Variants in TEX14 observed in about 807,000 individuals in gnomAD.
The protein encoded by TEX14 is testis expressed 14, intercellular bridge forming factor.
A neutral mutation model predicts 178.6 loss-of-function variants in TEX14; 168 were observed. The observed-to-expected ratio is 0.94, with a 90% CI of 0.83 to 1.07. The LOEUF is 1.07. Among genes scored for constraint, TEX14 ranks in the 50% least tolerant of loss-of-function variants. TEX14 has a pLI of 0.00. For synonymous variants in TEX14, 626 were observed against 634.1 expected, an observed-to-expected ratio of 0.99 and a Z score of 0.19; for missense variants, 1,730 against 1,753.6, an observed-to-expected ratio of 0.99 and a Z score of 0.24.
Position 58,622,749 on chromosome 17 carries a change from C to T in TEX14, c.417+98G>A, listed in dbSNP as rs1429214715. 12 of 1,238,740 alleles carry T rather than the reference C, an allele frequency of 9.7e-6. No individual in the cohort carries two copies. In the South Asian group the frequency reaches 1.3e-4, roughly 13 times the overall value. The allele number at this position is 1,238,740 out of a possible 1,614,324, so 76.7% of individuals were successfully genotyped here. A position where few individuals can be genotyped will look rare whatever the true frequency, so the allele number is the denominator to read the frequency against. ...CAAGCCTGAGACTCCAGTACCAATA[C>T]TAAGGCCACTGTACGCTCTGTGCTG... On this transcript the variant is annotated intron_variant, in intron 4 of 31. Transcript: ENST00000349033.
chr17:58,632,659 C>T (rs910986308), intron 2 of TEX14, among the ~76,000 whole-genome samples: 24 of 152,134 alleles, frequency 1.6e-4, no homozygotes, highest in African/African-American at 5.6e-4. Context: ...GGCCTGCAAA[C>T]GTAACCGCAC....
At chr17:58,636,697 G>A (rs907484513) in intron 2 of TEX14, among the ~76,000 whole-genome samples, 5 of 152,156 alleles carry the variant, frequency 3.3e-5, no homozygotes, top group African/African-American at 1.2e-4. Context: ...GGAGGCACCC[G>A]AGGTCAGGAG....
intron 8 of TEX14, among the ~76,000 whole-genome samples, chr17:58,614,081 A>G (rs570863484): frequency 9.2e-5 from 14 of 152,346 alleles, no homozygotes; most frequent in African/African-American, 2.9e-4. Flanking sequence ...AATGACAACA[A>G]TGACAATGTG....
intron 29 of TEX14, among the ~76,000 whole-genome samples, 167 bp downstream of exon 29, chr17:58,561,353 G>C (rs1372191964): frequency 6.6e-6 from 1 of 152,210 alleles, no homozygotes; most frequent in Non-Finnish European, 1.5e-5. Context: ...GAGTACTGTG[G>C]GTGGTCAGAG....
chr17:58,589,552 C>A (rs912498055), intron 15 of TEX14, among the ~76,000 whole-genome samples: 2 of 114,940 alleles, frequency 1.7e-5, no homozygotes, highest in African/African-American at 7.6e-5. Context: ...TGCGAGACTC[C>A]GTCTCAAAAA....
intron 1 of TEX14, among the ~76,000 whole-genome samples, chr17:58,679,375 G>A (rs912389398): frequency 4.6e-5 from 7 of 152,080 alleles, no homozygotes; most frequent in African/African-American, 1.4e-4. Context: ...CACCAACCAC[G>A]AGGGGTGTGA....
Position 58,617,549 on chromosome 17 carries a change from C to T in TEX14, c.625G>A (p.Gly209Ser), listed in dbSNP as rs376496072. Residue 209 changes from glycine to serine, a missense_variant, in exon 6 of 32, where the codon GGT becomes AGT. This residue lies in a region of TEX14 where 789 missense variants were observed against 681.2 expected (regional missense o/e 1.16). Coordinates refer to ENST00000349033, the MANE Select transcript of TEX14 (RefSeq NM_031272.5). ...VISAQNIYSF[G>S]FGKFYLTGAT... is the part of the protein sequence containing the mutation. ...TGGCAACCTCTTACCTTCCCAAAACCAAAGCTGTAGATATTTTGAGCAGAA... is the reference window on the plus strand; with the variant it reads ...TGGCAACCTCTTACCTTCCCAAAACTAAAGCTGTAGATATTTTGAGCAGAA... The T allele has an allele frequency of 1.9e-6, 3 of 1,613,298 alleles. No individual in the cohort carries two copies. The African/African-American group carries it at 4.0e-5, about 22-fold the overall frequency.
chr17:58,671,636 G>A (rs546448988), intron 1 of TEX14, among the ~76,000 whole-genome samples: 2 of 152,066 alleles, frequency 1.3e-5, no homozygotes, highest in Non-Finnish European at 2.9e-5. Context: ...AATGTCCTTA[G>A]GAAATAGACA....
chr17:58,579,818 A>G, intron 19 of TEX14, 87 bp from the exon 20 acceptor site: 1 of 1,041,364 alleles, frequency 9.6e-7, no homozygotes, highest in Non-Finnish European at 1.5e-6. Flanking sequence ...ATGTTCTTAA[A>G]TCTTGAAAAT....
intron 28 of TEX14, chr17:58,564,043 G>A (rs1485722649): frequency 2.0e-5 from 3 of 152,040 alleles, no homozygotes; most frequent in African/African-American, 4.8e-5. Context: ...AACAAGTGTT[G>A]GCAAGGATGT....
intron 1 of TEX14, among the ~76,000 whole-genome samples, chr17:58,666,251 G>A (rs892348068): frequency 3.3e-5 from 5 of 151,778 alleles, no homozygotes; most frequent in African/African-American, 1.2e-4. Flanking sequence ...GGGAAGCTGA[G>A]ACACGAGAAT....
chr17:58,678,485 C>T (rs991664885), intron 1 of TEX14, among the ~76,000 whole-genome samples: 3 of 152,084 alleles, frequency 2.0e-5, no homozygotes, highest in Admixed American at 2.0e-4. Flanking sequence ...CCACGGAACA[C>T]TATGCAGCCA....
chr17:58,612,017 G>C (rs923183189), intron 9 of TEX14, among the ~76,000 whole-genome samples: 1 of 152,072 alleles, frequency 6.6e-6, no homozygotes, highest in Non-Finnish European at 1.5e-5. Context: ...TTAGAACAAA[G>C]TCATGGAGGA....
At chr17:58,648,786 CTTTTTTTTTTT>C (rs34918333) in intron 2 of TEX14, among the ~76,000 whole-genome samples, 77 of 89,712 alleles carry the variant, frequency 8.6e-4, no homozygotes, top group African/African-American at 2.6e-3. Flanking sequence ...CTTTTTTTTT[CTTTTTTTTTTT>C]TTTTTTTTTT....
chr17:58,601,796 A>G lies in TEX14; in HGVS notation c.1678+10T>C, dbSNP rs1166645676. On this transcript the variant is annotated intron_variant, in intron 13 of 31. Coordinates refer to ENST00000349033, the MANE Select transcript of TEX14 (RefSeq NM_031272.5). ...GTCAAACTAACACAACCTGTGAATT[A>G]AGGCCATACCCATTTCCTTTAGTTC... 1 of 1,609,668 alleles carries G rather than the reference A, an allele frequency of 6.2e-7. No individual in the cohort carries two copies. Among genetic ancestry groups the G allele is most frequent in the Admixed American group, 1.7e-5 (1 of 59,526 alleles).
chr17:58,591,723 A>C (rs565744369), intron 15 of TEX14, among the ~76,000 whole-genome samples: 9 of 151,822 alleles, frequency 5.9e-5, no homozygotes, highest in Non-Finnish European at 1.2e-4. Context: ...GAAAAAAAAA[A>C]AACAAAAAAA....
intron 12 of TEX14, 137 bp downstream of exon 12, chr17:58,602,263 G>T: frequency 1.2e-6 from 1 of 846,376 alleles, no homozygotes; most frequent in South Asian, 1.9e-5. Context: ...CTATTATCAA[G>T]AACACAGAAA....
At chr17:58,570,078 G>A (rs949567869) in intron 25 of TEX14, among the ~76,000 whole-genome samples, 4 of 151,346 alleles carry the variant, frequency 2.6e-5, no homozygotes, top group African/African-American at 9.7e-5. Flanking sequence ...TATAACAAGG[G>A]AATAAAGCAG....
At chr17:58,604,642 C>A (rs1204460162) in intron 11 of TEX14, among the ~76,000 whole-genome samples, 2 of 151,086 alleles carry the variant, frequency 1.3e-5, no homozygotes, top group East Asian at 4.0e-4. Flanking sequence ...CTCACTGCAA[C>A]CTCTGCCTCC....
Sources: allele counts gnomAD v4.1 joint callset (sites outside exome capture counted in the v4.1 genomes callset), GRCh38; gene constraint gnomAD v4.1.1; regional missense constraint gnomAD v4.1.1; transcripts MANE v1.5; gene names NCBI Gene and HGNC (gene_info 2026-07-23, HGNC 2026-07-21).